Variants in MBD2 observed in about 807,000 individuals in gnomAD.
MBD2 encodes the protein methyl-CpG binding domain protein 2, also known as methyl-CpG-binding domain protein 2.
A neutral mutation model predicts 39.3 loss-of-function variants in MBD2; 9 were observed. The observed-to-expected ratio is 0.23, with a 90% confidence interval of 0.14 to 0.40. The LOEUF (loss-of-function observed/expected upper bound fraction) is 0.40, where lower values mean the gene tolerates loss of function less well. Among genes scored for constraint, MBD2 ranks in the 10% least tolerant of loss-of-function variants. The pLI is 1.00. For synonymous variants in MBD2, 233 were observed against 211.1 expected (o/e 1.10, Z -0.90); for missense variants, 458 against 532.6 (o/e 0.86, Z 1.38).
chr18:54,184,593 C>T (rs1030321323), intron 3 of MBD2, among the ~76,000 whole-genome samples: 2 of 152,014 alleles, frequency 1.3e-5, no homozygotes, highest in African/African-American at 4.8e-5. Context: ...TAGTATGTAC[C>T]AAAAATGTAA....
intron 3 of MBD2, among the ~76,000 whole-genome samples, chr18:54,186,195 T>A (rs1007205582): frequency 6.6e-6 from 1 of 152,090 alleles, no homozygotes; most frequent in Non-Finnish European, 1.5e-5. Context: ...AATATCACTA[T>A]CTTGAACATC....
At chr18:54,221,822 T>C (rs928373945) in intron 1 of MBD2, among the ~76,000 whole-genome samples, 15 of 151,982 alleles carry the variant, frequency 9.9e-5, no homozygotes, top group African/African-American at 3.4e-4. Context: ...TCCAAGAAAA[T>C]GTTAAGTGGC....
intron 3 of MBD2, among the ~76,000 whole-genome samples, chr18:54,167,641 A>G (rs1238016768): frequency 6.6e-6 from 1 of 152,202 alleles, no homozygotes; most frequent in Non-Finnish European, 1.5e-5. Flanking sequence ...GTGTAATTCT[A>G]TTTATGTCAG....
intron 1 of MBD2, among the ~76,000 whole-genome samples, chr18:54,206,411 T>G (rs886541228): frequency 4.6e-5 from 7 of 152,232 alleles, no homozygotes; most frequent in African/African-American, 1.7e-4. Flanking sequence ...AAGAAAATTG[T>G]GAGAATTGTA....
rs573646158 is a variant in MBD2 at position 54,222,336 on chromosome 18, C to G, written c.542+1682G>C. 479 of 517,512 alleles carry G rather than the reference C, an allele frequency of 9.3e-4. 1 individual carries two copies. The highest frequency in any genetic ancestry group is 1.9e-3 in the South Asian group (133 of 71,388). The allele number at this position is 517,512 out of a possible 1,614,324, so 32.1% of individuals were successfully genotyped here. On this transcript the variant is annotated intron_variant, in intron 1 of 6. Transcript: ENST00000256429. ...CTGGCACAGTCCCAGGGCAAGGATG[C>G]CAACAAAGGTTTTCTCTCAGCACCA...
At chr18:54,181,720 T>A (rs1442431471) in intron 3 of MBD2, among the ~76,000 whole-genome samples, 1 of 152,018 alleles carries the variant, frequency 6.6e-6, no homozygotes, top group East Asian at 1.9e-4. Context: ...AGGCTGGTCT[T>A]GAACTCCTGA....
chr18:54,163,646 C>A (rs1258105623), intron 5 of MBD2, among the ~76,000 whole-genome samples: 1 of 152,084 alleles, frequency 6.6e-6, no homozygotes, highest in Admixed American at 6.6e-5. Context: ...ACTTGTGAGT[C>A]AGCCTTAGAA....
At chr18:54,196,424 A>G (rs1468849242) in intron 2 of MBD2, among the ~76,000 whole-genome samples, 1 of 152,182 alleles carries the variant, frequency 6.6e-6, no homozygotes. Flanking sequence ...AACGGACATC[A>G]CCAAAGATGC....
intron 1 of MBD2, among the ~76,000 whole-genome samples, chr18:54,206,856 C>T (rs1204024834): frequency 6.6e-6 from 1 of 152,184 alleles, no homozygotes; most frequent in Non-Finnish European, 1.5e-5. Flanking sequence ...CCAGAATACT[C>T]GGTATCACAA....
At position 54,188,913 on chromosome 18, in the gene MBD2, C is replaced by G; in HGVS notation, c.801G>C (p.Val267=). The G allele has an allele frequency of 6.2e-7, 1 of 1,609,376 alleles. No individual in the cohort carries two copies. Among genetic ancestry groups the G allele is most frequent in the South Asian group, 1.1e-5 (1 of 90,304 alleles). The change falls in exon 3 of 7, where the codon GTG becomes GTC. Residue 267 remains valine (V), a synonymous_variant. Transcript: ENST00000256429. The part of the protein sequence containing the change: ...TKVTNHPSNK[V]KSDPQRMNEQ... The stretch of plus-strand genomic sequence containing the variant: ...CATTCATTCGTTGTGGGTCTGATTT[C>G]ACTTTATTACTAGGATGATTTGTGA...
chr18:54,209,156 C>T (rs750622752), intron 1 of MBD2, among the ~76,000 whole-genome samples: 23 of 151,878 alleles, frequency 1.5e-4, no homozygotes, highest in Non-Finnish European at 2.5e-4. Flanking sequence ...ATTAGCCCAG[C>T]GTGGCGGCGT....
chr18:54,211,191 C>A (rs1355316692), intron 1 of MBD2, among the ~76,000 whole-genome samples: 1 of 151,960 alleles, frequency 6.6e-6, no homozygotes, highest in Non-Finnish European at 1.5e-5. Flanking sequence ...TTTTTAAAAT[C>A]TCTTTAAATG....
In MBD2 at chr18:54,188,565, T is replaced by C. The variant is rs113164973; in HGVS notation, c.840+309A>G. ...ACATGCTTCATTCTTCTATGAAATATTATCCTTGGAAAGATAATCTTTAAA... is the reference window on the plus strand; with the variant it reads ...ACATGCTTCATTCTTCTATGAAATACTATCCTTGGAAAGATAATCTTTAAA... On this transcript the variant is annotated intron_variant, in intron 3 of 6. Transcript: ENST00000256429. Among the ~76,000 whole-genome samples the C allele has an allele frequency of 4.6e-3, 698 of 152,324 alleles. 9 individuals are homozygous for C. The highest frequency in any genetic ancestry group is 0.016 in the African/African-American group (655 of 41,568).
At chr18:54,180,897 C>CCTTTTTTTTTTTTTTT (rs2086246150) in intron 3 of MBD2, among the ~76,000 whole-genome samples, 2 of 105,372 alleles carry the variant, frequency 1.9e-5, no homozygotes, top group African/African-American at 7.8e-5. Flanking sequence ...TTAATTTTTT[C>CCTTTTTTTTTTTTTTT]TTTTTCTTTT....
intron 2 of MBD2, among the ~76,000 whole-genome samples, chr18:54,201,063 G>T (rs1156365935): frequency 6.7e-6 from 1 of 149,652 alleles, no homozygotes; most frequent in Non-Finnish European, 1.5e-5. Context: ...CTGGGCGACA[G>T]AGCGAGACCC....
rs2086458575 is a variant in MBD2, at chr18:54,207,315, G to A, written c.543-2158C>T. 2.6e-5 allele frequency among the ~76,000 whole-genome samples: 4 copies of A among 152,150 alleles called. No homozygotes were observed. In the East Asian group the frequency reaches 7.7e-4, roughly 29 times the overall value. ...ATCAAAAAGCTATTAAATCCTCCAA[G>A]CCCAGCTAAAATATCCTCCACCTCA... On this transcript the variant is annotated intron_variant, in intron 1 of 6. Transcript: ENST00000256429.
At chr18:54,165,934 G>A in intron 4 of MBD2, 142 bp downstream of exon 4, 1 of 586,202 alleles carries the variant, frequency 1.7e-6, no homozygotes, top group East Asian at 2.9e-5. Flanking sequence ...TAAAACACAA[G>A]AGGTACGTCA....
chr18:54,204,764 A>G (rs1273834837), intron 2 of MBD2, among the ~76,000 whole-genome samples: 4 of 152,220 alleles, frequency 2.6e-5, no homozygotes, highest in African/African-American at 9.6e-5. Flanking sequence ...TTTTGTAAAC[A>G]GCCCCAGTGG....
chr18:54,189,919 G>A (rs1405226436), intron 2 of MBD2, among the ~76,000 whole-genome samples: 8 of 152,132 alleles, frequency 5.3e-5, no homozygotes, highest in Non-Finnish European at 1.0e-4. Context: ...AAAGTGCTGG[G>A]ATTACAGGTG....
Sources: allele counts gnomAD v4.1 joint callset (sites outside exome capture counted in the v4.1 genomes callset), GRCh38; gene constraint gnomAD v4.1.1; transcripts MANE v1.5; gene names NCBI Gene and HGNC (gene_info 2026-07-23, HGNC 2026-07-21).